The following PRKCH variants were observed in gnomAD, a reference collection of about 807,000 sequenced individuals.
PRKCH encodes the protein protein kinase C eta, also known as protein kinase C eta type.
PRKCH carries 28 observed loss-of-function variants against 82.5 expected under a neutral mutation model. That is an observed-to-expected ratio of 0.34 (90% CI 0.25 to 0.47). The LOEUF (loss-of-function observed/expected upper bound fraction) is 0.47. Among genes scored for constraint, PRKCH ranks in the 20% least tolerant of loss-of-function variants. The probability of loss-of-function intolerance (pLI) is 1.00; values close to 1 mark genes in which losing one functional copy is unlikely to be tolerated. For synonymous variants in PRKCH, 322 were observed against 327.4 expected (o/e 0.98, Z 0.18); for missense variants, 705 against 881.8 (o/e 0.80, Z 2.54).
At chr14:61,354,788 T>C (rs1264343051) in intron 1 of PRKCH, among the ~76,000 whole-genome samples, 1 of 152,260 alleles carries the variant, frequency 6.6e-6, no homozygotes, top group East Asian at 1.9e-4. Flanking sequence ...GTCACAGTTA[T>C]ATTGTGTACA....
chr14:61,310,607 G>A (rs1259718884), intron 1 of PRKCH, among the ~76,000 whole-genome samples: 1 of 152,220 alleles, frequency 6.6e-6, no homozygotes, highest in African/African-American at 2.4e-5. Context: ...TTGAGTGCCT[G>A]TGGCTTTTCC....
chr14:61,432,965 A>G (rs1395550001), intron 2 of PRKCH, among the ~76,000 whole-genome samples: 2 of 148,976 alleles, frequency 1.3e-5, no homozygotes, highest in South Asian at 2.1e-4. Context: ...TTGTTACATA[A>G]GTATACGTGT....
chr14:61,280,298 G>A lies in PRKCH; in HGVS notation c.-19+92630G>A. On this transcript the variant is annotated intron_variant, in intron 1 of 3. Coordinates refer to the PRKCH transcript ENST00000555185. The surrounding 1 kb of genome is among the most constrained non-coding windows in gnomAD (Gnocchi z 5.0). Reference sequence around the variant, plus strand: ...GGGTAGTTGTAGGTGATGTTGACGCGGTAGGCGCCCCGCGGCAGCCCGGCC... The same window carrying A: ...GGGTAGTTGTAGGTGATGTTGACGCAGTAGGCGCCCCGCGGCAGCCCGGCC... 1.2e-6 allele frequency: 2 copies of A among 1,613,832 alleles called. No individual in the cohort carries two copies. Among genetic ancestry groups the A allele is most frequent in the East Asian group, 2.2e-5 (1 of 44,836 alleles).
chr14:61,197,791 C>T lies in PRKCH; in HGVS notation c.-19+10123C>T, dbSNP rs553332950. ...TATCTCCAAGGCTGTTCACTATGCA[C>T]ACTTGCTTGAAAAGGTGATCGGAAA... On this transcript the variant is annotated intron_variant, in intron 1 of 3. Transcript: ENST00000555185. Among the ~76,000 whole-genome samples, 10 of 152,270 alleles carry T rather than the reference C, an allele frequency of 6.6e-5. No individual in the cohort carries two copies. The South Asian group carries it at 1.9e-3, about 28-fold the overall frequency.
At chr14:61,416,905 A>G (rs1882589292) in intron 2 of PRKCH, among the ~76,000 whole-genome samples, 1 of 152,190 alleles carries the variant, frequency 6.6e-6, no homozygotes, top group African/African-American at 2.4e-5. Context: ...GTCTCCAGGA[A>G]GCCCTTATGG....
At chr14:61,515,080 C>T (rs1394501125) in intron 10 of PRKCH, among the ~76,000 whole-genome samples, 2 of 152,160 alleles carry the variant, frequency 1.3e-5, no homozygotes, top group South Asian at 2.1e-4. Context: ...AAGAAGTCTG[C>T]AGGTGGCCTT....
At chr14:61,251,663 T>C (rs1008722090) in intron 1 of PRKCH, among the ~76,000 whole-genome samples, 1 of 152,214 alleles carries the variant, frequency 6.6e-6, no homozygotes, top group Admixed American at 6.5e-5. Flanking sequence ...GCAACAAATA[T>C]GGGAGTGCAG....
At chr14:61,519,424 T>C (rs528761986) in intron 10 of PRKCH, among the ~76,000 whole-genome samples, 3 of 152,082 alleles carry the variant, frequency 2.0e-5, no homozygotes, top group Non-Finnish European at 4.4e-5. Context: ...TTAAAGAGGG[T>C]GAAGTAACCA....
intron 9 of PRKCH, chr14:61,477,088 T>C (rs1208124567): frequency 6.6e-6 from 1 of 152,146 alleles, no homozygotes; most frequent in African/African-American, 2.4e-5. Context: ...CTGAGAAAAA[T>C]AATAAAGCAA....
At chr14:61,471,586 A>G (rs190203992) in intron 9 of PRKCH, among the ~76,000 whole-genome samples, 1 of 152,002 alleles carries the variant, frequency 6.6e-6, no homozygotes, top group Admixed American at 6.6e-5. Flanking sequence ...ATTGCTCAGA[A>G]CTTTGCCGTC....
Position 61,535,989 on chromosome 14 carries a change from G to A in PRKCH, c.1761+5394G>A, listed in dbSNP as rs576533535. Reference sequence around the variant, plus strand: ...TCTTTTATAAACAAGCTCAGCGTGTGTGTATGAAGAAACATTTCTAGCCTG... The same window carrying A: ...TCTTTTATAAACAAGCTCAGCGTGTATGTATGAAGAAACATTTCTAGCCTG... On this transcript the variant is annotated intron_variant, in intron 12 of 13. Coordinates refer to ENST00000332981, the MANE Select transcript of PRKCH (RefSeq NM_006255.5). Among the ~76,000 whole-genome samples, 350 of 152,338 alleles carry A rather than the reference G, an allele frequency of 2.3e-3. 2 individuals are homozygous for A. Among genetic ancestry groups the A allele is most frequent in the African/African-American group, 8.2e-3 (341 of 41,580 alleles).
At chr14:61,344,243 T>C (rs935758781) in intron 1 of PRKCH, 1 of 152,048 alleles carries the variant, frequency 6.6e-6, no homozygotes, top group African/African-American at 2.4e-5. Flanking sequence ...GAAAGGAAAA[T>C]AAATGTAAAA....
At chr14:61,322,687 T>A (rs1040022349) in intron 1 of PRKCH, 1 of 568,238 alleles carries the variant, frequency 1.8e-6, no homozygotes. Flanking sequence ...ACGATCCCCT[T>A]TCAGGACAGC....
chr14:61,380,788 C>T (rs2046495882), intron 1 of PRKCH, among the ~76,000 whole-genome samples: 1 of 152,190 alleles, frequency 6.6e-6, no homozygotes, highest in Non-Finnish European at 1.5e-5. Context: ...CTTGAGCTAT[C>T]TCCTTGTTAG....
At chr14:61,336,237 G>A (rs1017763867) in intron 1 of PRKCH, among the ~76,000 whole-genome samples, 1 of 152,196 alleles carries the variant, frequency 6.6e-6, no homozygotes, top group Non-Finnish European at 1.5e-5. Flanking sequence ...CAAGAGAAGG[G>A]ATTTTTGAGT....
At chr14:61,372,161 C>T (rs1266650223) in intron 1 of PRKCH, among the ~76,000 whole-genome samples, 1 of 151,936 alleles carries the variant, frequency 6.6e-6, no homozygotes, top group African/African-American at 2.4e-5. Context: ...ATATTCTTTG[C>T]CCCATCCCTA....
At position 61,453,371 on chromosome 14, in the gene PRKCH, T is replaced by C; in HGVS notation, c.960+18T>C. The C allele has an allele frequency of 6.2e-7, 1 of 1,608,884 alleles. No homozygotes were observed. Among genetic ancestry groups the C allele is most frequent in the Non-Finnish European group, 8.5e-7 (1 of 1,176,624 alleles). On this transcript the variant is annotated intron_variant, in intron 7 of 13. Coordinates refer to ENST00000332981, the MANE Select transcript of PRKCH (RefSeq NM_006255.5). ...CAACCTCGGTGAGACTTTGCTTTTTTTCCATGTCTCGTAATTTAGAAGTTG... is the reference window on the plus strand; with the variant it reads ...CAACCTCGGTGAGACTTTGCTTTTTCTCCATGTCTCGTAATTTAGAAGTTG...
At chr14:61,342,619 T>TCTTACCTCACCC (rs2045942953) in intron 1 of PRKCH, among the ~76,000 whole-genome samples, 1 of 152,218 alleles carries the variant, frequency 6.6e-6, no homozygotes, top group Admixed American at 6.5e-5. Context: ...ACTGTAAGTG[T>TCTTACCTCACCC]TTCCACAGGA....
Position 61,280,538 on chromosome 14 carries a change from C to T in PRKCH, c.-19+92870C>T, listed in dbSNP as rs1240367657. 1.2e-6 allele frequency: 2 copies of T among 1,611,898 alleles called. No individual in the cohort carries two copies. Among genetic ancestry groups the T allele is most frequent in the Non-Finnish European group, 1.7e-6 (2 of 1,179,368 alleles). ...ACCAGCGGCGGGTTGCGGAACTTGA[C>T]GTGGTAGTCGGTCCACCAGGCGATG... On this transcript the variant is annotated intron_variant, in intron 1 of 3. Transcript: ENST00000555185. This position sits in a 1 kb window ranked among gnomAD's most constrained non-coding sequence, Gnocchi z 5.0.
Sources: allele counts gnomAD v4.1 joint callset (sites outside exome capture counted in the v4.1 genomes callset), GRCh38; gene constraint gnomAD v4.1.1; non-coding constraint Gnocchi (gnomAD v3.1); transcripts MANE v1.5; gene names NCBI Gene and HGNC (gene_info 2026-07-23, HGNC 2026-07-21).